The following OVOL2 variants were observed in gnomAD, a reference collection of about 807,000 sequenced individuals.
OVOL2 encodes the protein ovo like zinc finger 2, also known as transcription factor Ovo-like 2.
OVOL2 carries 13 observed loss-of-function variants against 18.1 expected under a neutral mutation model. The ratio of observed to expected loss-of-function variants is 0.72; its 90% CI spans 0.47 to 1.14. The LOEUF is 1.14. Ranked by LOEUF, OVOL2 falls within the 50% of genes most tolerant of loss-of-function variation. The pLI is 0.00. For synonymous variants in OVOL2, 166 were observed against 162.7 expected (o/e 1.02, Z -0.16); for missense variants, 335 against 383.0 (o/e 0.87, Z 1.05).
intron 2 of OVOL2, among the ~76,000 whole-genome samples, chr20:18,043,076 G>A (rs1052310874): frequency 1.7e-4 from 26 of 152,154 alleles, no homozygotes; most frequent in African/African-American, 5.6e-4. Flanking sequence ...GGGAGCAAAC[G>A]GTGCCTTCTT....
chr20:18,024,822 G>A lies in OVOL2; in HGVS notation c.642C>T (p.Tyr214=), dbSNP rs751840567. ...CCGTGTAGCCGCAATCCTCGCAGAC[G>A]TAGAGCTTGTCCCGCCGCTGCTTAT... The part of the protein sequence containing the change: ...YAYKQRRDKL[Y]VCEDCGYTGP... The change falls in exon 4 of 4, where the codon TAC becomes TAT. Residue 214 remains tyrosine (Y), a synonymous_variant. Transcript: ENST00000278780. 1.1e-5 allele frequency: 17 copies of A among 1,614,056 alleles called. No individual in the cohort carries two copies. The highest frequency in any genetic ancestry group is 2.2e-5 in the East Asian group (1 of 44,892).
chr20:18,031,740 G>C (rs903411621), intron 3 of OVOL2, among the ~76,000 whole-genome samples: 4 of 152,206 alleles, frequency 2.6e-5, no homozygotes, highest in African/African-American at 4.8e-5. Context: ...GGAGAGGGGG[G>C]ACTGCTTTCG....
intron 2 of OVOL2, 44 bp from the exon 3 acceptor site, chr20:18,041,767 A>G (rs148099434): frequency 0.015 from 24,224 of 1,576,580 alleles, 421 homozygotes; most frequent in East Asian, 0.058. Context: ...GCAGGCAGGC[A>G]CATCCAGTAG....
chr20:18,057,652 C>T lies in OVOL2; in HGVS notation c.-18G>A, dbSNP rs1057089387. 1.9e-6 allele frequency: 3 copies of T among 1,554,194 alleles called. No homozygotes were observed. Among genetic ancestry groups the T allele is most frequent in the Non-Finnish European group, 2.6e-6 (3 of 1,149,114 alleles). On this transcript the variant is annotated 5_prime_UTR_variant, in exon 1 of 4. Transcript: ENST00000278780. This position sits in a 1 kb window ranked among gnomAD's most constrained non-coding sequence, Gnocchi z 6.3. ...TTGGGCATGGTGGGGTCCCCTCTCCCGACTGCGGCCCCCTCCTCCCGGCTG... is the reference window on the plus strand; with the variant it reads ...TTGGGCATGGTGGGGTCCCCTCTCCTGACTGCGGCCCCCTCCTCCCGGCTG...
At chr20:18,035,915 C>T (rs995024184) in intron 3 of OVOL2, among the ~76,000 whole-genome samples, 2 of 152,124 alleles carry the variant, frequency 1.3e-5, no homozygotes, top group South Asian at 2.1e-4. Flanking sequence ...TAGGAAGAAA[C>T]AGGTGAAATG....
intron 3 of OVOL2, among the ~76,000 whole-genome samples, chr20:18,025,188 C>T (rs2036501334): frequency 2.0e-5 from 3 of 152,198 alleles, no homozygotes; most frequent in African/African-American, 7.2e-5. Flanking sequence ...AAAACCACCA[C>T]CTGCTTTAGG....
chr20:18,053,348 T>G (rs980767276), intron 2 of OVOL2, among the ~76,000 whole-genome samples: 2 of 152,152 alleles, frequency 1.3e-5, no homozygotes, highest in Non-Finnish European at 2.9e-5. Context: ...GTCCTCCACT[T>G]TACAGATCAA....
At chr20:18,035,435 G>A (rs1411706468) in intron 3 of OVOL2, among the ~76,000 whole-genome samples, 3 of 152,224 alleles carry the variant, frequency 2.0e-5, no homozygotes, top group Non-Finnish European at 2.9e-5. Context: ...TCCAGCCTGG[G>A]CAACAGAGCA....
chr20:18,038,677 G>T (rs778895461), intron 3 of OVOL2, among the ~76,000 whole-genome samples: 2 of 152,112 alleles, frequency 1.3e-5, no homozygotes, highest in Non-Finnish European at 2.9e-5. Context: ...AAGCCAGGGT[G>T]GGGGAGTGAC....
chr20:18,053,658 G>A (rs1317932633), intron 2 of OVOL2, among the ~76,000 whole-genome samples: 13 of 149,580 alleles, frequency 8.7e-5, no homozygotes, highest in Admixed American at 4.0e-4. Flanking sequence ...CTGAGATTGC[G>A]CAACTGTACT....
At position 18,056,917 on chromosome 20, in the gene OVOL2, C is replaced by T. The variant is rs1411511134; in HGVS notation, c.101-40G>A. The T allele has an allele frequency of 6.9e-7, 1 of 1,451,450 alleles. No homozygotes were observed. Among genetic ancestry groups the T allele is most frequent in the Non-Finnish European group, 9.0e-7 (1 of 1,110,664 alleles). 89.9% of individuals were successfully genotyped at this position (1,451,450 alleles called of 1,614,324 possible). A position where few individuals can be genotyped will look rare whatever the true frequency, so the allele number is the denominator to read the frequency against. ...GCCGCGCCCCGACACACACACTCGG[C>T]GTCAACCCGCACGCCCGCGGCAGTT... On this transcript the variant is annotated intron_variant, in intron 1 of 3. Coordinates refer to ENST00000278780, the MANE Select transcript of OVOL2 (RefSeq NM_021220.4). This position sits in a 1 kb window ranked among gnomAD's most constrained non-coding sequence, Gnocchi z 4.2.
intron 3 of OVOL2, among the ~76,000 whole-genome samples, chr20:18,039,688 T>G (rs2058287297): frequency 1.3e-5 from 2 of 151,510 alleles, no homozygotes; most frequent in African/African-American, 4.9e-5. Flanking sequence ...TATGTTAGGA[T>G]TCCAGCCACT....
At chr20:18,043,588 C>T (rs1166967876) in intron 2 of OVOL2, among the ~76,000 whole-genome samples, 1 of 152,166 alleles carries the variant, frequency 6.6e-6, no homozygotes, top group Non-Finnish European at 1.5e-5. Context: ...ACTAACACTA[C>T]CCAGAGTAGA....
intron 2 of OVOL2, among the ~76,000 whole-genome samples, chr20:18,045,166 G>A (rs530195008): frequency 4.6e-5 from 7 of 152,214 alleles, no homozygotes; most frequent in Middle Eastern, 3.4e-3. Flanking sequence ...CTCCTTGCCC[G>A]GCAGTCCCCA....
intron 3 of OVOL2, among the ~76,000 whole-genome samples, chr20:18,033,152 C>T (rs2036585912): frequency 6.6e-6 from 1 of 152,190 alleles, no homozygotes; most frequent in Admixed American, 6.5e-5. Flanking sequence ...TCCCTTTGGG[C>T]TCCAAACAAA....
At chr20:18,028,219 C>G (rs2036537297) in intron 3 of OVOL2, among the ~76,000 whole-genome samples, 1 of 151,980 alleles carries the variant, frequency 6.6e-6, no homozygotes, top group African/African-American at 2.4e-5. Flanking sequence ...CTCTATCACT[C>G]AGGCTGAAGT....
At position 18,056,007 on chromosome 20, in the gene OVOL2, A is replaced by T. The variant is rs1160412468; in HGVS notation, c.321+650T>A. Among the ~76,000 whole-genome samples the T allele has an allele frequency of 2.0e-5, 3 of 152,186 alleles. No homozygotes were observed. Among genetic ancestry groups the T allele is most frequent in the African/African-American group, 4.8e-5 (2 of 41,444 alleles). On this transcript the variant is annotated intron_variant, in intron 2 of 3. Transcript: ENST00000278780. This position sits in a 1 kb window ranked among gnomAD's most constrained non-coding sequence, Gnocchi z 4.2. ...GACCATAGATGGGAGGAAACACTCC[A>T]ATCCACTGGGGTAGGGGCGCTCGAG...
intron 2 of OVOL2, among the ~76,000 whole-genome samples, chr20:18,045,950 C>T (rs2036721211): frequency 6.6e-6 from 1 of 152,168 alleles, no homozygotes; most frequent in African/African-American, 2.4e-5. Context: ...CATTTCACAG[C>T]ATGGAAAGCT....
At chr20:18,051,898 A>C (rs1363613767) in intron 2 of OVOL2, among the ~76,000 whole-genome samples, 2 of 151,660 alleles carry the variant, frequency 1.3e-5, no homozygotes, top group Non-Finnish European at 2.9e-5. Context: ...AAGCCCTACT[A>C]ATTTTTTTTG....
Sources: allele counts gnomAD v4.1 joint callset (sites outside exome capture counted in the v4.1 genomes callset), GRCh38; gene constraint gnomAD v4.1.1; non-coding constraint Gnocchi (gnomAD v3.1); transcripts MANE v1.5; gene names NCBI Gene and HGNC (gene_info 2026-07-23, HGNC 2026-07-21).